Variants in CNTN5 observed in about 807,000 individuals in gnomAD.
CNTN5 encodes the protein contactin-5.
In CNTN5, 77 loss-of-function variants were observed where a neutral mutation model predicts 129.1. That is an observed-to-expected ratio of 0.60 (90% confidence interval 0.50 to 0.72). The LOEUF (loss-of-function observed/expected upper bound fraction) is 0.72. CNTN5 is among the 30% of genes least tolerant of loss of function. The pLI is 0.00. For synonymous variants in CNTN5, 509 were observed against 465.6 expected (o/e 1.09, Z -1.20); for missense variants, 1,478 against 1,328.8 (o/e 1.11, Z -1.75).
chr11:99,878,390 G>T (rs564782001), intron 6 of CNTN5, among the ~76,000 whole-genome samples: 1 of 152,220 alleles, frequency 6.6e-6, no homozygotes, highest in South Asian at 2.1e-4. Context: ...CTGAAGTGGG[G>T]ATAAATAGTT....
rs59613776 is a variant in CNTN5, at chr11:100,210,174, CAAAAAAAAA to C, written c.1885-14507_1885-14499del. Among the ~76,000 whole-genome samples the C allele has an allele frequency of 8.9e-3, 724 of 81,098 alleles. 4 individuals carry two copies. Among genetic ancestry groups the C allele is most frequent in the Non-Finnish European group, 0.016 (574 of 36,268 alleles). The allele number at this position is 81,098 out of a possible 152,430, so 53.2% of individuals were successfully genotyped here. ...AACACAGTGAAAACCTGCCTCTATACAAAAAAAAAAAAAAAAAAATACAAAAAATTATCC... is the reference window on the plus strand; with the variant it reads ...AACACAGTGAAAACCTGCCTCTATACAAAAAAAAAATACAAAAAATTATCC... On this transcript the variant is annotated intron_variant, in intron 15 of 24. Coordinates refer to ENST00000524871, the MANE Select transcript of CNTN5 (RefSeq NM_014361.4).
intron 1 of CNTN5, among the ~76,000 whole-genome samples, chr11:99,128,788 T>G (rs1484039510): frequency 6.6e-6 from 1 of 152,116 alleles, no homozygotes; most frequent in South Asian, 2.1e-4. Context: ...CAATCTTTGA[T>G]GTTCTACAGC....
intron 3 of CNTN5, among the ~76,000 whole-genome samples, chr11:99,752,322 T>C (rs1235930430): frequency 6.6e-6 from 1 of 152,190 alleles, no homozygotes; most frequent in Non-Finnish European, 1.5e-5. Context: ...GCTGAACTTT[T>C]CTCTTGCTAT....
At chr11:100,140,704 G>A (rs192775712) in intron 13 of CNTN5, among the ~76,000 whole-genome samples, 1 of 152,158 alleles carries the variant, frequency 6.6e-6, no homozygotes, top group East Asian at 1.9e-4. Context: ...TAATTATCTG[G>A]GATATTAAAA....
chr11:100,025,457 C>G (rs781161567), intron 9 of CNTN5, among the ~76,000 whole-genome samples: 3 of 152,160 alleles, frequency 2.0e-5, no homozygotes, highest in Non-Finnish European at 4.4e-5. Context: ...CTGCAGAGTC[C>G]CCACTGGGGC....
At chr11:99,792,714 T>C (rs1945796149) in intron 3 of CNTN5, among the ~76,000 whole-genome samples, 1 of 152,122 alleles carries the variant, frequency 6.6e-6, no homozygotes. Context: ...GCAGCTCCTC[T>C]TTATACATCT....
At chr11:100,283,488 G>A (rs1565397437) in intron 18 of CNTN5, among the ~76,000 whole-genome samples, 1 of 152,152 alleles carries the variant, frequency 6.6e-6, no homozygotes, top group Admixed American at 6.5e-5. Flanking sequence ...TCTGAGCCCA[G>A]TTCAACACAG....
At chr11:99,161,405 C>G (rs970050115) in intron 1 of CNTN5, among the ~76,000 whole-genome samples, 4 of 150,808 alleles carry the variant, frequency 2.7e-5, no homozygotes, top group Non-Finnish European at 3.0e-5. Flanking sequence ...TTTTTTAATT[C>G]TAGGATAGTA....
intron 7 of CNTN5, among the ~76,000 whole-genome samples, chr11:99,921,505 C>T (rs1251934859): frequency 6.6e-6 from 1 of 152,192 alleles, no homozygotes; most frequent in Non-Finnish European, 1.5e-5. Flanking sequence ...GATTTCTACT[C>T]CACAATTCGT....
intron 1 of CNTN5, among the ~76,000 whole-genome samples, chr11:99,133,982 C>G (rs544037173): frequency 3.9e-5 from 6 of 152,142 alleles, no homozygotes; most frequent in African/African-American, 4.8e-5. Context: ...GCACTATTTA[C>G]AATAGCAAAG....
intron 15 of CNTN5, among the ~76,000 whole-genome samples, chr11:100,213,961 A>G (rs1347571324): frequency 6.6e-6 from 1 of 152,150 alleles, no homozygotes; most frequent in Non-Finnish European, 1.5e-5. Context: ...GCAAAAGAAT[A>G]CTCAGTATTT....
chr11:99,792,573 G>GTGTCTGTCTGTCTGTCTGTC (rs1555113491), intron 3 of CNTN5, among the ~76,000 whole-genome samples: 4 of 116,686 alleles, frequency 3.4e-5, no homozygotes, highest in African/African-American at 1.5e-4. Context: ...GTGTGTGTGT[G>GTGTCTGTCTGTCTGTCTGTC]TGTCTGTCTG....
chr11:99,518,817 T>C (rs535738914), intron 2 of CNTN5, among the ~76,000 whole-genome samples: 1 of 152,154 alleles, frequency 6.6e-6, no homozygotes, highest in East Asian at 1.9e-4. Context: ...TTAAAACTTT[T>C]ACATTGTCTA....
chr11:100,063,865 T>C (rs1230541739), intron 10 of CNTN5, among the ~76,000 whole-genome samples: 1 of 152,094 alleles, frequency 6.6e-6, no homozygotes, highest in Non-Finnish European at 1.5e-5. Context: ...CCAGCCTGGG[T>C]TAGACCCTGT....
At chr11:99,752,947 T>C (rs2135228813) in intron 3 of CNTN5, among the ~76,000 whole-genome samples, 1 of 152,220 alleles carries the variant, frequency 6.6e-6, no homozygotes, top group African/African-American at 2.4e-5. Context: ...TAGTTGTCTG[T>C]CCTGGGGAAA....
At chr11:99,154,358 A>G (rs1860229708) in intron 1 of CNTN5, among the ~76,000 whole-genome samples, 1 of 152,158 alleles carries the variant, frequency 6.6e-6, no homozygotes, top group African/African-American at 2.4e-5. Flanking sequence ...GCCTCCATGC[A>G]TGCATGCACA....
intron 1 of CNTN5, among the ~76,000 whole-genome samples, chr11:99,112,365 C>T (rs867223261): frequency 1.3e-5 from 2 of 151,816 alleles, no homozygotes; most frequent in East Asian, 1.9e-4. Flanking sequence ...ACGCTTTTTC[C>T]TAGGAAATCA....
chr11:99,890,838 GT>G (rs1224178897), intron 6 of CNTN5, among the ~76,000 whole-genome samples: 17 of 152,218 alleles, frequency 1.1e-4, no homozygotes, highest in African/African-American at 3.4e-4. Context: ...ACATGTCATG[GT>G]GATAATATGA....
Position 99,487,172 on chromosome 11 carries a change from A to G in CNTN5, c.-70-68973A>G, listed in dbSNP as rs138825998. Among the ~76,000 whole-genome samples the G allele has an allele frequency of 5.3e-3, 810 of 152,342 alleles. 6 individuals are homozygous for G. The highest frequency in any genetic ancestry group is 7.9e-3 in the Non-Finnish European group (536 of 68,026). ...TTGGTTCTGCATGTTAAAGTGGAGAACTGAGTGTTACCATCACGTGTCCAC... is the reference window on the plus strand; with the variant it reads ...TTGGTTCTGCATGTTAAAGTGGAGAGCTGAGTGTTACCATCACGTGTCCAC... On this transcript the variant is annotated intron_variant, in intron 2 of 24. Coordinates refer to ENST00000524871, the MANE Select transcript of CNTN5 (RefSeq NM_014361.4).
Sources: allele counts gnomAD v4.1 joint callset (sites outside exome capture counted in the v4.1 genomes callset), GRCh38; gene constraint gnomAD v4.1.1; transcripts MANE v1.5; gene names NCBI Gene and HGNC (gene_info 2026-07-23, HGNC 2026-07-21).